TRHDE: variants seen among roughly 807,000 people sequenced by gnomAD.
TRHDE encodes the protein thyrotropin-releasing hormone-degrading ectoenzyme.
Under a neutral mutation model 125.7 loss-of-function variants are expected in TRHDE, and 72 were observed. The ratio of observed to expected loss-of-function variants is 0.57; its 90% CI spans 0.47 to 0.70. TRHDE has a LOEUF of 0.70. TRHDE is among the 30% of genes least tolerant of loss of function. The pLI is 0.00. For missense variants in TRHDE, 1,110 were observed against 1,327.1 expected, an observed-to-expected ratio of 0.84 and a Z score of 2.54; for synonymous variants, 509 against 509.1, an observed-to-expected ratio of 1.00 and a Z score of 0.00.
chr12:72,514,899 G>C (rs1592503257), intron 6 of TRHDE, among the ~76,000 whole-genome samples: 1 of 146,146 alleles, frequency 6.8e-6, no homozygotes, highest in East Asian at 2.1e-4. Flanking sequence ...TTGGTTTTTT[G>C]TTCTTGCGAT....
intron 2 of TRHDE, among the ~76,000 whole-genome samples, chr12:72,356,022 G>T (rs2135745393): frequency 6.6e-6 from 1 of 151,874 alleles, no homozygotes; most frequent in South Asian, 2.1e-4. Flanking sequence ...ATTCAATCCA[G>T]CAATCCCATT....
chr12:72,250,879 T>C (rs1878669814), intron 2 of TRHDE, among the ~76,000 whole-genome samples: 1 of 144,374 alleles, frequency 6.9e-6, no homozygotes, highest in Admixed American at 6.9e-5. Context: ...TTTTATTGCA[T>C]ACTTTATTTA....
intron 12 of TRHDE, among the ~76,000 whole-genome samples, chr12:72,579,490 A>G (rs968737275): frequency 1.3e-5 from 2 of 152,080 alleles, no homozygotes; most frequent in African/African-American, 2.4e-5. Flanking sequence ...TCTTTCCTAT[A>G]TATTTTGCAT....
chr12:72,221,141 A>T (rs1172468747), intron 2 of TRHDE, among the ~76,000 whole-genome samples: 1 of 152,082 alleles, frequency 6.6e-6, no homozygotes, highest in Non-Finnish European at 1.5e-5. Flanking sequence ...AGATATAGAG[A>T]GTTTAGTCAG....
chr12:72,272,861 G>A lies in TRHDE; in HGVS notation c.218G>A (p.Arg73His). ...GCAGACTCAGTGGGAGTGCGACCCC[G>A]CACCACGGAGCGCCACATCGCCGTA... ...PWADSVGVRPRTTERHIAVHK... is the reference protein window; with the variant it reads ...PWADSVGVRPHTTERHIAVHK... The change falls in exon 1 of 19, where the codon CGC (arginine) becomes CAC (histidine). Residue 73 changes from arginine to histidine, a missense_variant. By Grantham distance (29) the Arg-to-His change is conservative. Coordinates refer to ENST00000261180, the MANE Select transcript of TRHDE (RefSeq NM_013381.3). The surrounding 1 kb of genome is among the most constrained non-coding windows in gnomAD (Gnocchi z 6.7). 1 of 1,579,964 alleles carries A rather than the reference G, an allele frequency of 6.3e-7. No homozygotes were observed. The highest frequency in any genetic ancestry group is 8.5e-7 in the Non-Finnish European group (1 of 1,171,082).
intron 6 of TRHDE, among the ~76,000 whole-genome samples, chr12:72,516,016 C>G (rs1878839314): frequency 6.7e-6 from 1 of 150,220 alleles, no homozygotes; most frequent in Non-Finnish European, 1.5e-5. Context: ...TGTTTTGGTA[C>G]CAGTACCATG....
Position 72,496,113 on chromosome 12 carries a change from T to C in TRHDE, c.1585-3385T>C, listed in dbSNP as rs920319245. 3.3e-5 allele frequency among the ~76,000 whole-genome samples: 5 copies of C among 152,324 alleles called. 1 individual carries two copies. Among genetic ancestry groups the C allele is most frequent in the Admixed American group, 3.3e-4 (5 of 15,290 alleles). On this transcript the variant is annotated intron_variant, in intron 5 of 18. Coordinates refer to ENST00000261180, the MANE Select transcript of TRHDE (RefSeq NM_013381.3). ...ATCATGGTGGCCTTAAAATATGATA[T>C]AAAATGATAAGTGCCTGTTGAATAT...
intron 2 of TRHDE, among the ~76,000 whole-genome samples, chr12:72,339,301 C>T (rs757787985): frequency 1.6e-4 from 24 of 151,986 alleles, no homozygotes; most frequent in Non-Finnish European, 3.4e-4. Context: ...CCTCCTTTAC[C>T]TTTCCAATAA....
At chr12:72,259,557 C>T (rs1443300171) in intron 2 of TRHDE, among the ~76,000 whole-genome samples, 1 of 152,196 alleles carries the variant, frequency 6.6e-6, no homozygotes, top group Non-Finnish European at 1.5e-5. Flanking sequence ...TGGATACATA[C>T]AGACACACAC....
At chr12:72,152,898 G>A (rs936541656) in intron 2 of TRHDE, among the ~76,000 whole-genome samples, 29 of 152,074 alleles carry the variant, frequency 1.9e-4, no homozygotes, top group African/African-American at 5.1e-4. Flanking sequence ...TATCAGAATG[G>A]TGCTGGCCTC....
intron 2 of TRHDE, among the ~76,000 whole-genome samples, chr12:72,230,219 A>G (rs1878220452): frequency 6.6e-6 from 1 of 152,180 alleles, no homozygotes. Flanking sequence ...CTTAGACCCT[A>G]TCTAGGTTTG....
chr12:72,491,203 A>G (rs375444269), intron 5 of TRHDE, among the ~76,000 whole-genome samples: 4 of 152,040 alleles, frequency 2.6e-5, no homozygotes, highest in East Asian at 1.9e-4. Flanking sequence ...AATGACATGC[A>G]TATTTTTAAA....
chr12:72,412,454 A>T (rs1208247922), intron 3 of TRHDE, among the ~76,000 whole-genome samples: 1 of 152,152 alleles, frequency 6.6e-6, no homozygotes, highest in Non-Finnish European at 1.5e-5. Flanking sequence ...AGCAAAACTC[A>T]TTGCTAGTGG....
At chr12:72,385,154 AG>A (rs1431275616) in intron 3 of TRHDE, among the ~76,000 whole-genome samples, 1 of 152,008 alleles carries the variant, frequency 6.6e-6, no homozygotes, top group African/African-American at 2.4e-5. Flanking sequence ...ACAATCTCTG[AG>A]GGTTCTTTAT....
At chr12:72,470,075 T>G (rs186631527) in intron 4 of TRHDE, among the ~76,000 whole-genome samples, 163 bp downstream of exon 4, 5 of 152,192 alleles carry the variant, frequency 3.3e-5, no homozygotes, top group African/African-American at 1.2e-4. Flanking sequence ...TCTCCAATCA[T>G]AGAATAAACA....
intron 7 of TRHDE, among the ~76,000 whole-genome samples, chr12:72,546,072 C>G (rs544232054): frequency 2.6e-5 from 4 of 151,736 alleles, no homozygotes; most frequent in African/African-American, 9.6e-5. Context: ...CACGGTGGCT[C>G]AGTGAAATTT....
At chr12:72,181,455 C>T (rs1877095021) in intron 2 of TRHDE, among the ~76,000 whole-genome samples, 1 of 152,092 alleles carries the variant, frequency 6.6e-6, no homozygotes, top group Non-Finnish European at 1.5e-5. Flanking sequence ...GGGCCCTGGG[C>T]TAACCAAACC....
At chr12:72,516,968 C>T (rs1459409760) in intron 6 of TRHDE, among the ~76,000 whole-genome samples, 1 of 152,024 alleles carries the variant, frequency 6.6e-6, no homozygotes, top group Non-Finnish European at 1.5e-5. Context: ...ATATATTGAA[C>T]CAGCCTTGCA....
chr12:72,514,911 G>A (rs1218468425), intron 6 of TRHDE, among the ~76,000 whole-genome samples: 1 of 148,274 alleles, frequency 6.7e-6, no homozygotes, highest in Non-Finnish European at 1.5e-5. Context: ...TCTTGCGATA[G>A]TTTACTGAGA....
Sources: gnomAD v4.1 joint callset for allele counts (sites outside exome capture counted in the v4.1 genomes callset) on GRCh38, gnomAD v4.1.1 for gene constraint, Gnocchi (gnomAD v3.1) non-coding constraint, MANE v1.5 for transcripts, NCBI Gene and HGNC (gene_info 2026-07-23, HGNC 2026-07-21) for gene names.